TLR2: variants seen among roughly 807,000 people sequenced by gnomAD.
TLR2 encodes the protein toll-like receptor 2.
Under a neutral mutation model 9.1 loss-of-function variants are expected in TLR2, and 7 were observed. The ratio of observed to expected loss-of-function variants is 0.77; its 90% CI spans 0.44 to 1.44. The LOEUF (loss-of-function observed/expected upper bound fraction) is 1.44, where lower values mean the gene tolerates loss of function less well. TLR2 is among the 40% of genes most tolerant of loss of function. The probability of loss-of-function intolerance (pLI) is 0.01; values close to 1 mark genes in which losing one functional copy is unlikely to be tolerated. For synonymous variants in TLR2, 317 were observed against 344.6 expected, an observed-to-expected ratio of 0.92 and a Z score of 0.89; for missense variants, 812 against 904.6, an observed-to-expected ratio of 0.90 and a Z score of 1.31.
In TLR2 at chr4:153,696,091, T is replaced by C. The variant is rs570487475; in HGVS notation, c.-16-6801T>C. Reference sequence around the variant, plus strand: ...AGTTACTATAGCTCTGTAGTATAATTTTAAGTCAGATAATGTGATTCCTCC... The same window carrying C: ...AGTTACTATAGCTCTGTAGTATAATCTTAAGTCAGATAATGTGATTCCTCC... On this transcript the variant is annotated intron_variant, in intron 2 of 2. Coordinates refer to ENST00000642700, the MANE Select transcript of TLR2 (RefSeq NM_001318789.2). Among the ~76,000 whole-genome samples, 3 of 152,296 alleles carry C rather than the reference T, an allele frequency of 2.0e-5. No individual in the cohort carries two copies. The South Asian group carries it at 6.2e-4, about 32-fold the overall frequency.
At chr4:153,688,819 G>C (rs897732656) in intron 2 of TLR2, 4 of 197,812 alleles carry the variant, frequency 2.0e-5, no homozygotes, top group African/African-American at 9.6e-5. Flanking sequence ...CAGAGATTTT[G>C]TTTATGGCCA....
intron 2 of TLR2, among the ~76,000 whole-genome samples, chr4:153,695,168 C>G (rs979393787): frequency 4.6e-5 from 7 of 152,202 alleles, no homozygotes; most frequent in African/African-American, 1.7e-4. Context: ...TATTGATTTC[C>G]TTTATTTTGG....
rs1173929919 is a variant in TLR2, at chr4:153,705,395, A to G, written c.*133A>G. ...ATTTGAGGACTTGCTTACTAAAACT[A>G]CAAAACTTCAAATTTTGTCTGGGGT... is the stretch of plus-strand genomic sequence containing the variant. On this transcript the variant is annotated 3_prime_UTR_variant, in exon 3 of 3. Coordinates refer to ENST00000642700, the MANE Select transcript of TLR2 (RefSeq NM_001318789.2). 3.8e-6 allele frequency: 4 copies of G among 1,050,756 alleles called. No individual in the cohort carries two copies. The highest frequency in any genetic ancestry group is 5.2e-6 in the Non-Finnish European group (4 of 766,088). 65.1% of individuals were successfully genotyped at this position (1,050,756 alleles called of 1,614,324 possible).
intron 2 of TLR2, among the ~76,000 whole-genome samples, chr4:153,698,691 AT>A (rs1736676858): frequency 6.6e-6 from 1 of 152,206 alleles, no homozygotes; most frequent in African/African-American, 2.4e-5. Flanking sequence ...CAGTTGGTAC[AT>A]TTCCACCATC....
At chr4:153,706,984 G>C (rs1737352240), downstream of TLR2, among the ~76,000 whole-genome samples, 1 of 152,144 alleles carries the variant, frequency 6.6e-6, no homozygotes, top group Non-Finnish European at 1.5e-5. Context: ...GGCACTATGG[G>C]TTCGTGTGTG....
chr4:153,686,329 A>G (rs1357365848), intron 1 of TLR2, among the ~76,000 whole-genome samples: 2 of 152,218 alleles, frequency 1.3e-5, no homozygotes, highest in Non-Finnish European at 2.9e-5. Flanking sequence ...AACCATAGCA[A>G]TAGTTCAATT....
At chr4:153,686,518 G>C (rs1010852301) in intron 1 of TLR2, among the ~76,000 whole-genome samples, 2 of 152,122 alleles carry the variant, frequency 1.3e-5, no homozygotes, top group African/African-American at 4.8e-5. Context: ...AAGGTATAAA[G>C]TGAACAGATG....
Position 153,704,749 on chromosome 4 carries a change from C to A in TLR2, c.1842C>A (p.Gly614=). Residue 614 remains glycine, a synonymous_variant, in exon 3 of 3, where the codon GGC becomes GGA. Coordinates refer to ENST00000642700, the MANE Select transcript of TLR2 (RefSeq NM_001318789.2). ...LTGVLCHRFH[G]LWYMKMMWAW... ...GGGTCCTGTGCCACCGTTTCCATGG[C>A]CTGTGGTATATGAAAATGATGTGGG... 1.2e-6 allele frequency: 2 copies of A among 1,613,952 alleles called. No individual in the cohort carries two copies. The highest frequency in any genetic ancestry group is 1.7e-6 in the Non-Finnish European group (2 of 1,179,996).
chr4:153,705,358 G>A lies in TLR2; in HGVS notation c.*96G>A. 1 of 1,294,418 alleles carries A rather than the reference G, an allele frequency of 7.7e-7. No homozygotes were observed. Among genetic ancestry groups the A allele is most frequent in the Non-Finnish European group, 1.0e-6 (1 of 972,372 alleles). 80.2% of individuals were successfully genotyped at this position (1,294,418 alleles called of 1,614,324 possible). A position where few individuals can be genotyped will look rare whatever the true frequency, so the allele number is the denominator to read the frequency against. ...AGACATAATTATATAAAAACTACGTGGATGTACCGTCATTTGAGGACTTGC... is the reference window on the plus strand; with the variant it reads ...AGACATAATTATATAAAAACTACGTAGATGTACCGTCATTTGAGGACTTGC... On this transcript the variant is annotated 3_prime_UTR_variant, in exon 3 of 3. Coordinates refer to ENST00000642700, the MANE Select transcript of TLR2 (RefSeq NM_001318789.2).
chr4:153,689,570 CA>C (rs1735961456), intron 2 of TLR2, among the ~76,000 whole-genome samples: 1 of 152,170 alleles, frequency 6.6e-6, no homozygotes, highest in African/African-American at 2.4e-5. Flanking sequence ...ATTCTGTTTA[CA>C]AATAGGTTTT....
intron 2 of TLR2, among the ~76,000 whole-genome samples, chr4:153,692,732 T>C (rs1736206275): frequency 6.6e-6 from 1 of 152,208 alleles, no homozygotes; most frequent in African/African-American, 2.4e-5. Context: ...TATAAATTTA[T>C]AGGTACAGAA....
intron 1 of TLR2, among the ~76,000 whole-genome samples, chr4:153,685,304 T>G (rs920878496): frequency 6.6e-6 from 1 of 152,164 alleles, no homozygotes; most frequent in African/African-American, 2.4e-5. Context: ...CAGGAAAGTC[T>G]TTTTCCTGTT....
At position 153,686,121 on chromosome 4, in the gene TLR2, A is replaced by G. The variant is rs886877098; in HGVS notation, c.-163+1761A>G. Among the ~76,000 whole-genome samples, 5 of 152,214 alleles carry G rather than the reference A, an allele frequency of 3.3e-5. No homozygotes were observed. The East Asian group carries it at 7.7e-4, about 23-fold the overall frequency. On this transcript the variant is annotated intron_variant, in intron 1 of 2. Transcript: ENST00000642700. ...AACATTAATCCATTTATGAGGGTAC[A>G]GCCTTCATAACCTAATCACCTCTTA...
intron 2 of TLR2, among the ~76,000 whole-genome samples, chr4:153,691,237 T>G (rs1203994506): frequency 6.6e-6 from 1 of 152,222 alleles, no homozygotes; most frequent in African/African-American, 2.4e-5. Context: ...TTTCAAAAAT[T>G]GAAATAATTT....
downstream of TLR2, among the ~76,000 whole-genome samples, chr4:153,709,924 C>A (rs139104297): frequency 1.3e-5 from 2 of 152,322 alleles, no homozygotes; most frequent in Non-Finnish European, 2.9e-5. Context: ...TGGTAACAAG[C>A]ACATGGAGCA....
intron 2 of TLR2, among the ~76,000 whole-genome samples, chr4:153,699,748 T>C (rs1211907697): frequency 6.6e-6 from 1 of 152,214 alleles, no homozygotes; most frequent in African/African-American, 2.4e-5. Flanking sequence ...ACCATCATTA[T>C]GTCTTGAGGA....
At chr4:153,702,606 T>G in intron 2 of TLR2, 1 of 298,496 alleles carries the variant, frequency 3.4e-6, no homozygotes, top group African/African-American at 2.1e-5. Context: ...TTCCAATCCA[T>G]GTTATTGAGT....
rs1446850700 is a variant in TLR2, at chr4:153,704,336, C to T, written c.1429C>T (p.Pro477Ser). The T allele has an allele frequency of 1.9e-6, 3 of 1,613,374 alleles. No individual in the cohort carries two copies. Among genetic ancestry groups the T allele is most frequent in the Non-Finnish European group, 8.5e-7 (1 of 1,179,858 alleles). Residue 477 changes from proline (P) to serine (S), a missense_variant, in exon 3 of 3, where the codon CCG becomes TCG. Coordinates refer to ENST00000642700, the MANE Select transcript of TLR2 (RefSeq NM_001318789.2). ...NNLNLFSLNL[P>S]QLKELYISRN... ...TCTCAATTTATTTTCTTTGAATTTGCCGCAACTCAAAGAACTTTATATTTC... is the reference window on the plus strand; with the variant it reads ...TCTCAATTTATTTTCTTTGAATTTGTCGCAACTCAAAGAACTTTATATTTC...
intron 2 of TLR2, 112 bp from the exon 3 acceptor site, chr4:153,702,763 TGTGTGTGTGTGTGTGTG>T (rs1579000185): frequency 2.5e-3 from 68 of 26,914 alleles, no homozygotes; most frequent in East Asian, 0.021. Flanking sequence ...TCTCTCTCTT[TGTGTGTGTGTGTGTGTG>T]TGTGTGTGTG....
Sources: gnomAD v4.1 joint callset for allele counts (sites outside exome capture counted in the v4.1 genomes callset) on GRCh38, gnomAD v4.1.1 for gene constraint, MANE v1.5 for transcripts, NCBI Gene and HGNC (gene_info 2026-07-23, HGNC 2026-07-21) for gene names.